The following SERPINI1 variants were observed in gnomAD, a reference collection of about 807,000 sequenced individuals.
The protein encoded by SERPINI1 is neuroserpin.
Under a neutral mutation model 41.1 loss-of-function variants are expected in SERPINI1, and 19 were observed. That is an observed-to-expected ratio of 0.46 (90% confidence interval 0.32 to 0.68). The LOEUF (loss-of-function observed/expected upper bound fraction) is 0.68. Among genes scored for constraint, SERPINI1 ranks in the 30% least tolerant of loss-of-function variants. The pLI, the probability that SERPINI1 is intolerant of heterozygous loss-of-function variation, is 0.03. For missense variants in SERPINI1, 460 were observed against 479.2 expected (o/e 0.96, Z 0.37); for synonymous variants, 138 against 156.6 (o/e 0.88, Z 0.89).
intron 2 of SERPINI1, 140 bp downstream of exon 2, chr3:167,789,518 G>T (rs1727427782): frequency 2.1e-6 from 2 of 949,588 alleles, no homozygotes; most frequent in African/African-American, 3.3e-5. Flanking sequence ...AGAAGGATTA[G>T]GAAACCCAAG....
In SERPINI1 at chr3:167,825,123, G is replaced by A. The variant is rs184927491; in HGVS notation, c.1157-124G>A. 491 of 667,174 alleles carry A rather than the reference G, an allele frequency of 7.4e-4. 2 individuals carry two copies. The African/African-American group carries it at 9.4e-3, about 13-fold the overall frequency. 41.3% of individuals were successfully genotyped at this position (667,174 alleles called of 1,614,324 possible). A position where few individuals can be genotyped will look rare whatever the true frequency, so the allele number is the denominator to read the frequency against. On this transcript the variant is annotated intron_variant, in intron 8 of 8. Transcript: ENST00000446050. ...AGAGAGGAAGGAAGGAAGGACAGGA[G>A]GAAGGAAGGAAGGAAGGAAGGAAGG...
rs33942785 is a variant in SERPINI1 at position 167,808,288 on chromosome 3, TA to T, written c.979+958del. 2.5e-3 allele frequency among the ~76,000 whole-genome samples: 361 copies of T among 145,980 alleles called. 5 individuals carry two copies. The East Asian group carries it at 0.052, about 21-fold the overall frequency. The stretch of plus-strand genomic sequence containing the variant: ...TTCAAATACCCTATTTTTTTCAGAG[TA>T]AAAAAAAAAATCACAAAATATTAGC... On this transcript the variant is annotated intron_variant, in intron 6 of 8. Coordinates refer to ENST00000446050, the MANE Select transcript of SERPINI1 (RefSeq NM_001122752.2).
chr3:167,758,344 G>A (rs1261748328), intron 1 of SERPINI1, among the ~76,000 whole-genome samples: 1 of 152,136 alleles, frequency 6.6e-6, no homozygotes, highest in Non-Finnish European at 1.5e-5. Flanking sequence ...AGTAATGATA[G>A]CAATGTATTA....
chr3:167,802,412 A>G (rs1419642937), intron 5 of SERPINI1, among the ~76,000 whole-genome samples: 1 of 150,244 alleles, frequency 6.7e-6, no homozygotes, highest in Admixed American at 6.6e-5. Flanking sequence ...TCTACAATGA[A>G]CTCAAACAAA....
At chr3:167,758,104 C>T (rs1726248060) in intron 1 of SERPINI1, among the ~76,000 whole-genome samples, 3 of 152,082 alleles carry the variant, frequency 2.0e-5, no homozygotes, top group African/African-American at 4.8e-5. Flanking sequence ...TGAATGTCTC[C>T]GTATCTTTCT....
At chr3:167,756,223 TG>T (rs1374012588) in intron 1 of SERPINI1, among the ~76,000 whole-genome samples, 1 of 152,222 alleles carries the variant, frequency 6.6e-6, no homozygotes, top group African/African-American at 2.4e-5. Context: ...ACTGAAGCTA[TG>T]TAAACCCCCA....
At chr3:167,775,801 T>C (rs1056443033) in intron 1 of SERPINI1, among the ~76,000 whole-genome samples, 12 of 152,156 alleles carry the variant, frequency 7.9e-5, no homozygotes, top group African/African-American at 2.9e-4. Context: ...AATACATATT[T>C]GTTGAATGAA....
intron 4 of SERPINI1, among the ~76,000 whole-genome samples, chr3:167,793,313 G>A (rs1727589652): frequency 6.6e-6 from 1 of 151,814 alleles, no homozygotes; most frequent in Non-Finnish European, 1.5e-5. Context: ...GTGTTTTATT[G>A]GACTCTTCAG....
At chr3:167,816,727 G>A (rs1712102118) in intron 6 of SERPINI1, among the ~76,000 whole-genome samples, 1 of 152,118 alleles carries the variant, frequency 6.6e-6, no homozygotes, top group Admixed American at 6.6e-5. Flanking sequence ...CAATAGGAGA[G>A]TGATCAGATC....
At chr3:167,771,828 T>TGC (rs1726759464) in intron 1 of SERPINI1, among the ~76,000 whole-genome samples, 1 of 147,262 alleles carries the variant, frequency 6.8e-6, no homozygotes, top group African/African-American at 2.6e-5. Flanking sequence ...AGTGTGTGTG[T>TGC]GTGCGCGTGT....
rs750646140 is a variant in SERPINI1 at position 167,825,276 on chromosome 3, C to T, written c.1186C>T (p.His396Tyr). ...AATTCTATTCATGGGACGAGTCATG[C>T]ATCCTGAAACAATGAACACAAGTGG... ...GTILFMGRVM[H>Y]PETMNTSGHD... Residue 396 changes from histidine to tyrosine, a missense_variant, in exon 9 of 9, where the codon CAT (histidine) becomes TAT (tyrosine). Coordinates refer to ENST00000446050, the MANE Select transcript of SERPINI1 (RefSeq NM_001122752.2). 2 of 1,613,334 alleles carry T rather than the reference C, an allele frequency of 1.2e-6. No homozygotes were observed. The highest frequency in any genetic ancestry group is 4.5e-5 in the East Asian group (2 of 44,822).
At chr3:167,742,010 A>G (rs936753152) in intron 1 of SERPINI1, among the ~76,000 whole-genome samples, 5 of 152,128 alleles carry the variant, frequency 3.3e-5, no homozygotes, top group Admixed American at 2.6e-4. Flanking sequence ...AGAGTTTCTG[A>G]TATGTTCTTT....
chr3:167,809,381 C>T (rs911477623), intron 6 of SERPINI1, among the ~76,000 whole-genome samples: 2 of 152,168 alleles, frequency 1.3e-5, no homozygotes, highest in African/African-American at 4.8e-5. Flanking sequence ...CTGTCTCACC[C>T]AAACATCTAG....
chr3:167,803,248 C>T (rs973026912), intron 5 of SERPINI1, among the ~76,000 whole-genome samples: 2 of 151,012 alleles, frequency 1.3e-5, no homozygotes, highest in Non-Finnish European at 2.9e-5. Flanking sequence ...GCACATTGTG[C>T]ACATGTACCC....
At chr3:167,793,575 A>AATATATAT (rs1198926852) in intron 4 of SERPINI1, among the ~76,000 whole-genome samples, 11 of 134,168 alleles carry the variant, frequency 8.2e-5, no homozygotes, top group Admixed American at 1.5e-4. Flanking sequence ...TTTCTCTACA[A>AATATATAT]ATATATATAT....
At chr3:167,745,549 G>C (rs1235953221) in intron 1 of SERPINI1, among the ~76,000 whole-genome samples, 1 of 151,936 alleles carries the variant, frequency 6.6e-6, no homozygotes, top group Non-Finnish European at 1.5e-5. Flanking sequence ...ATTCAACACT[G>C]TATTGAAGGT....
chr3:167,790,468 A>G lies in SERPINI1; in HGVS notation c.347A>G (p.Asn116Ser). ...MKIANSLFVQNGFHVNEEFLQ... is the reference protein window; with the variant it reads ...MKIANSLFVQSGFHVNEEFLQ... Reference sequence around the variant, plus strand: ...ATTGCCAATTCCTTGTTTGTGCAAAATGGATTTCATGTCAATGAGGAGTTT... The same window carrying G: ...ATTGCCAATTCCTTGTTTGTGCAAAGTGGATTTCATGTCAATGAGGAGTTT... Residue 116 changes from asparagine to serine, a missense_variant, in exon 3 of 9, where the codon AAT becomes AGT. By Grantham distance (46) the Asn-to-Ser change is conservative. Coordinates refer to ENST00000446050, the MANE Select transcript of SERPINI1 (RefSeq NM_001122752.2). The G allele has an allele frequency of 6.2e-7, 1 of 1,614,090 alleles. No individual in the cohort carries two copies. Among genetic ancestry groups the G allele is most frequent in the Non-Finnish European group, 8.5e-7 (1 of 1,179,946 alleles).
chr3:167,813,842 C>T (rs985000443), intron 6 of SERPINI1, among the ~76,000 whole-genome samples: 3 of 152,112 alleles, frequency 2.0e-5, no homozygotes, highest in Non-Finnish European at 4.4e-5. Context: ...TCACTGTACC[C>T]CACCTGGCTA....
At chr3:167,759,152 T>A (rs920270809) in intron 1 of SERPINI1, among the ~76,000 whole-genome samples, 7 of 152,098 alleles carry the variant, frequency 4.6e-5, no homozygotes, top group African/African-American at 1.7e-4. Flanking sequence ...ATAACTACTT[T>A]ACAAAGACAG....
Sources: gnomAD v4.1 joint callset for allele counts (sites outside exome capture counted in the v4.1 genomes callset) on GRCh38, gnomAD v4.1.1 for gene constraint, MANE v1.5 for transcripts, NCBI Gene and HGNC (gene_info 2026-07-23, HGNC 2026-07-21) for gene names.